The following FAAH2 variants were observed in gnomAD, a reference collection of about 807,000 sequenced individuals.
FAAH2 encodes fatty acid amide hydrolase 2, also known as fatty-acid amide hydrolase 2.
FAAH2 carries 60 observed loss-of-function variants against 36.9 expected under a neutral mutation model. The ratio of observed to expected loss-of-function variants is 1.63; its 90% CI spans 1.32 to 2.02. The LOEUF is 2.02. FAAH2 is among the 30% of genes most tolerant of loss of function. FAAH2 has a pLI of 0.00. For synonymous variants in FAAH2, 214 were observed against 143.8 expected (o/e 1.49, Z -3.49); for missense variants, 689 against 397.5 (o/e 1.73, Z -6.23).
the FAAH2 span, among the ~76,000 whole-genome samples, chrX:57,132,263 A>G: frequency 1.1e-4 from 12 of 112,265 alleles, no homozygotes; most frequent in Non-Finnish European, 2.1e-4. Flanking sequence ...CCAAAATAAC[A>G]TATCAGTGGT....
chrX:57,450,253 A>G (rs947443758), intron 10 of FAAH2, among the ~76,000 whole-genome samples: 16 of 109,541 alleles, frequency 1.5e-4, no homozygotes, highest in African/African-American at 5.3e-4. Flanking sequence ...GATAGATGAT[A>G]GCTGCAATTT....
intron 8 of FAAH2, among the ~76,000 whole-genome samples, chrX:57,442,822 C>T (rs904893432): frequency 8.1e-5 from 9 of 111,233 alleles, no homozygotes; most frequent in African/African-American, 2.6e-4. Flanking sequence ...CAAAATCTCT[C>T]GGCATTTGCT....
chrX:57,275,433 A>G, the FAAH2 span, among the ~76,000 whole-genome samples: 10 of 112,252 alleles, frequency 8.9e-5, no homozygotes, highest in Non-Finnish European at 1.9e-5. Context: ...AGCAAAAAAC[A>G]TGGAAAAAGA....
the FAAH2 span, among the ~76,000 whole-genome samples, chrX:57,214,115 A>G: frequency 2.7e-5 from 3 of 111,896 alleles, no homozygotes; most frequent in Non-Finnish European, 5.6e-5. Flanking sequence ...TGATATAAGT[A>G]TAGCTACTCT....
intron 10 of FAAH2, among the ~76,000 whole-genome samples, chrX:57,468,958 A>G (rs985153167): frequency 2.7e-5 from 3 of 112,003 alleles, no homozygotes; most frequent in African/African-American, 9.7e-5. Context: ...ATTCTTAAAG[A>G]AAAGAATTTT....
chrX:57,196,561 C>G, the FAAH2 span, among the ~76,000 whole-genome samples: 1 of 111,502 alleles, frequency 9.0e-6, no homozygotes, highest in Admixed American at 9.5e-5. Flanking sequence ...ATTTCTTTCT[C>G]TTGAATGATT....
chrX:57,172,236 TG>T, the FAAH2 span, among the ~76,000 whole-genome samples: 5 of 111,856 alleles, frequency 4.5e-5, no homozygotes, highest in Admixed American at 4.8e-4. Flanking sequence ...CTTTTTGGGT[TG>T]TTTTTTGGTT....
the FAAH2 span, among the ~76,000 whole-genome samples, chrX:57,279,371 G>A: frequency 1.2e-4 from 14 of 112,094 alleles, no homozygotes; most frequent in Non-Finnish European, 1.7e-4. Flanking sequence ...CAAACACTGC[G>A]TGTTCTCACT....
At chrX:57,446,585 G>T (rs1037384963) in intron 8 of FAAH2, among the ~76,000 whole-genome samples, 4 of 111,660 alleles carry the variant, frequency 3.6e-5, no homozygotes, top group African/African-American at 9.8e-5. Flanking sequence ...CAACCCACTC[G>T]CACCTCCATA....
intron 10 of FAAH2, among the ~76,000 whole-genome samples, chrX:57,488,346 A>T (rs767843529): frequency 4.5e-5 from 5 of 112,078 alleles, no homozygotes; most frequent in Non-Finnish European, 9.4e-5. Context: ...CCATATATTT[A>T]AGAATATATT....
intron 1 of FAAH2, among the ~76,000 whole-genome samples, chrX:57,290,816 AT>A (rs1349849924): frequency 8.9e-6 from 1 of 111,913 alleles, no homozygotes. Flanking sequence ...CACAATCAAT[AT>A]ATTTGATAAG....
chrX:57,417,027 G>C (rs1048419796), intron 7 of FAAH2, among the ~76,000 whole-genome samples: 4 of 111,058 alleles, frequency 3.6e-5, no homozygotes, highest in Admixed American at 9.6e-5. Context: ...TTTGGCTATT[G>C]ATACTTGTGT....
intron 7 of FAAH2, among the ~76,000 whole-genome samples, chrX:57,402,148 G>T (rs1406024146): frequency 8.9e-6 from 1 of 111,782 alleles, no homozygotes; most frequent in African/African-American, 3.3e-5. Flanking sequence ...TCTTGCCCAG[G>T]GCACCCTCAG....
chrX:57,381,477 T>G (rs1415405171), intron 7 of FAAH2: 1 of 566,439 alleles, frequency 1.8e-6, no homozygotes, highest in Non-Finnish European at 2.1e-6. Flanking sequence ...GAAAGAAGAA[T>G]AATAAGGGGA....
At chrX:57,445,897 G>A (rs2056663759) in intron 8 of FAAH2, among the ~76,000 whole-genome samples, 1 of 112,051 alleles carries the variant, frequency 8.9e-6, no homozygotes. Flanking sequence ...GTTTTTCCAA[G>A]GCCTGTAGTC....
chrX:57,376,817 A>G (rs1249045597), intron 5 of FAAH2, among the ~76,000 whole-genome samples: 2 of 111,908 alleles, frequency 1.8e-5, no homozygotes. Flanking sequence ...TCCAGCATCT[A>G]TTGTATCCTG....
intron 7 of FAAH2, among the ~76,000 whole-genome samples, chrX:57,406,339 G>A (rs1454055301): frequency 8.9e-5 from 10 of 112,357 alleles, no homozygotes; most frequent in Admixed American, 2.8e-4. Flanking sequence ...TATCTTGCAC[G>A]TTAGCACTAT....
the FAAH2 span, among the ~76,000 whole-genome samples, chrX:57,173,296 C>T: frequency 8.9e-6 from 1 of 112,049 alleles, no homozygotes; most frequent in South Asian, 3.7e-4. Flanking sequence ...TTTTTCACTT[C>T]CTTTGTTTAA....
intron 8 of FAAH2, among the ~76,000 whole-genome samples, chrX:57,438,759 AC>A (rs1162790020): frequency 1.1e-4 from 6 of 56,117 alleles, no homozygotes; most frequent in Non-Finnish European, 2.1e-4. Flanking sequence ...CCCTCCCCCC[AC>A]CCCACAACAG....
Sources: allele counts gnomAD v4.1 joint callset (sites outside exome capture counted in the v4.1 genomes callset), GRCh38; gene constraint gnomAD v4.1.1; transcripts MANE v1.5; gene names NCBI Gene and HGNC (gene_info 2026-07-23, HGNC 2026-07-21).